GALNT10: variants seen among roughly 807,000 people sequenced by gnomAD.
GALNT10 encodes the protein GalNAc transferase 10.
Under a neutral mutation model 75.0 loss-of-function variants are expected in GALNT10, and 41 were observed. The observed-to-expected ratio is 0.55, with a 90% CI of 0.43 to 0.71. The LOEUF (loss-of-function observed/expected upper bound fraction) is 0.71, where lower values mean the gene tolerates loss of function less well. Among genes scored for constraint, GALNT10 ranks in the 30% least tolerant of loss-of-function variants. The pLI is 0.00. For synonymous variants in GALNT10, 302 were observed against 313.0 expected (o/e 0.96, Z 0.37); for missense variants, 727 against 818.5 (o/e 0.89, Z 1.36).
intron 1 of GALNT10, among the ~76,000 whole-genome samples, chr5:154,234,096 C>T (rs1349944052): frequency 6.6e-6 from 1 of 152,212 alleles, no homozygotes; most frequent in East Asian, 1.9e-4. Flanking sequence ...CTAACTTCCC[C>T]TCCTCTCTGG....
chr5:154,216,844 C>T, intron 1 of GALNT10, among the ~76,000 whole-genome samples: 1 of 152,112 alleles, frequency 6.6e-6, no homozygotes, highest in East Asian at 1.9e-4. Context: ...TTGTCATGTT[C>T]ACATCTCAGC....
At chr5:154,229,061 T>C (rs1057124499) in intron 1 of GALNT10, among the ~76,000 whole-genome samples, 4 of 152,366 alleles carry the variant, frequency 2.6e-5, no homozygotes, top group Middle Eastern at 3.4e-3. Flanking sequence ...TTTTATATTG[T>C]TAGGAATGTT....
chr5:154,306,857 G>T (rs554224923), intron 3 of GALNT10, among the ~76,000 whole-genome samples: 1 of 152,214 alleles, frequency 6.6e-6, no homozygotes, highest in South Asian at 2.1e-4. Context: ...GGATATAGTA[G>T]ACTCTCACAG....
At chr5:154,356,586 G>A (rs549709407) in intron 4 of GALNT10, among the ~76,000 whole-genome samples, 6 of 152,302 alleles carry the variant, frequency 3.9e-5, no homozygotes, top group African/African-American at 1.4e-4. Context: ...TAGTAAAAAC[G>A]TTTTTCAAAA....
At position 154,295,065 on chromosome 5, in the gene GALNT10, G is replaced by C. The variant is rs537780499; in HGVS notation, c.262+147G>C. 30 of 482,442 alleles carry C rather than the reference G, an allele frequency of 6.2e-5. No individual in the cohort carries two copies. In the East Asian group the frequency reaches 8.4e-4, roughly 13 times the overall value. 29.9% of individuals were successfully genotyped at this position (482,442 alleles called of 1,614,324 possible). On this transcript the variant is annotated intron_variant, in intron 2 of 11. Coordinates refer to ENST00000297107, the MANE Select transcript of GALNT10 (RefSeq NM_198321.4). ...CCTCCTGTTGGCTCCCTCCCTGTCA[G>C]CCACCATCCCTTCCCCTGATTCCCA...
chr5:154,389,733 T>C (rs13154706), intron 7 of GALNT10, among the ~76,000 whole-genome samples: 36,051 of 151,856 alleles, frequency 0.24, 4,500 homozygotes, highest in Middle Eastern at 0.32. Context: ...AAGACTCCAA[T>C]AAATATAAGT....
chr5:154,289,072 A>G lies in GALNT10; in HGVS notation c.160-5744A>G, dbSNP rs145856434. 2.0e-5 allele frequency among the ~76,000 whole-genome samples: 3 copies of G among 152,330 alleles called. No homozygotes were observed. The East Asian group carries it at 5.8e-4, about 29-fold the overall frequency. On this transcript the variant is annotated intron_variant, in intron 1 of 11. Transcript: ENST00000297107. ...TGCAGGACCCACAGTTTTCCTTATTAGTTTCCTGTTCGCTCTCCTATTCCT... is the reference window on the plus strand; with the variant it reads ...TGCAGGACCCACAGTTTTCCTTATTGGTTTCCTGTTCGCTCTCCTATTCCT...
At chr5:154,201,387 TA>T (rs1476182349) in intron 1 of GALNT10, among the ~76,000 whole-genome samples, 1 of 151,282 alleles carries the variant, frequency 6.6e-6, no homozygotes, top group Non-Finnish European at 1.5e-5. Context: ...TCTCTAAGAC[TA>T]ATGTACTTTT....
intron 4 of GALNT10, among the ~76,000 whole-genome samples, chr5:154,374,900 G>T (rs1038671744): frequency 1.3e-5 from 2 of 152,188 alleles, no homozygotes; most frequent in Non-Finnish European, 2.9e-5. Flanking sequence ...ATTCTTATTT[G>T]TTGGAGATTT....
intron 1 of GALNT10, among the ~76,000 whole-genome samples, chr5:154,203,019 C>G (rs189012436): frequency 1.2e-4 from 18 of 152,344 alleles, no homozygotes; most frequent in African/African-American, 4.3e-4. Flanking sequence ...CTGCCAAGTG[C>G]CAAGCCAGAG....
At chr5:154,254,055 A>G (rs1753570294) in intron 1 of GALNT10, among the ~76,000 whole-genome samples, 2 of 152,094 alleles carry the variant, frequency 1.3e-5, no homozygotes, top group Non-Finnish European at 2.9e-5. Context: ...GTGCTCTCCC[A>G]GAGAATGTTG....
chr5:154,280,960 T>C (rs1233637464), intron 1 of GALNT10, among the ~76,000 whole-genome samples: 4 of 152,242 alleles, frequency 2.6e-5, no homozygotes, highest in Admixed American at 6.5e-5. Context: ...GTCCACTCCA[T>C]TGATCACATA....
chr5:154,194,112 T>A (rs1774900390), intron 1 of GALNT10, among the ~76,000 whole-genome samples: 1 of 152,262 alleles, frequency 6.6e-6, no homozygotes, highest in African/African-American at 2.4e-5. Context: ...AGAAACTCAG[T>A]GCAGTCTCTC....
chr5:154,248,732 T>A (rs941491773), intron 1 of GALNT10, among the ~76,000 whole-genome samples: 3 of 152,248 alleles, frequency 2.0e-5, no homozygotes, highest in Non-Finnish European at 1.5e-5. Flanking sequence ...TAGTGGTCTA[T>A]CAATTTTGTT....
chr5:154,231,779 C>T (rs1161530889), intron 1 of GALNT10, among the ~76,000 whole-genome samples: 1 of 152,204 alleles, frequency 6.6e-6, no homozygotes, highest in African/African-American at 2.4e-5. Context: ...TAATTGCTGG[C>T]ACATCTCTAC....
chr5:154,220,930 G>A (rs988541439), intron 1 of GALNT10, among the ~76,000 whole-genome samples: 2 of 152,166 alleles, frequency 1.3e-5, no homozygotes, highest in Non-Finnish European at 2.9e-5. Context: ...ACAGACTTGT[G>A]GATTTTTAAA....
chr5:154,329,472 G>A, intron 3 of GALNT10, 100 bp from the exon 4 acceptor site: 1 of 879,742 alleles, frequency 1.1e-6, no homozygotes, highest in Non-Finnish European at 1.9e-6. Context: ...AAAGACTGGA[G>A]AGGAAGTGGG....
At chr5:154,329,403 G>A (rs1004977) in intron 3 of GALNT10, 169 bp from the exon 4 acceptor site, 387,499 of 606,640 alleles carry the variant, frequency 0.64, 129,488 homozygotes, top group Admixed American at 0.76. Context: ...GTAGGACTTT[G>A]GGATGTCATG....
intron 4 of GALNT10, among the ~76,000 whole-genome samples, chr5:154,358,603 C>A (rs1755333544): frequency 6.6e-6 from 1 of 152,158 alleles, no homozygotes; most frequent in East Asian, 1.9e-4. Flanking sequence ...GCCTCTCTCC[C>A]ACACACTGTG....
Sources: allele counts gnomAD v4.1 joint callset (sites outside exome capture counted in the v4.1 genomes callset), GRCh38; gene constraint gnomAD v4.1.1; transcripts MANE v1.5; gene names NCBI Gene and HGNC (gene_info 2026-07-23, HGNC 2026-07-21).